Variants in CPNE1 observed in about 807,000 individuals in gnomAD.
CPNE1 encodes copine 1, also known as copine-1.
In CPNE1, 58 loss-of-function variants were observed where a neutral mutation model predicts 63.2. The ratio of observed to expected loss-of-function variants is 0.92; its 90% CI spans 0.74 to 1.14. The LOEUF is 1.14. Ranked by LOEUF, CPNE1 falls within the 50% of genes most tolerant of loss-of-function variation. The probability of loss-of-function intolerance (pLI) is 0.00; values close to 1 mark genes in which losing one functional copy is unlikely to be tolerated. For synonymous variants in CPNE1, 237 were observed against 249.0 expected, an observed-to-expected ratio of 0.95 and a Z score of 0.45; for missense variants, 672 against 661.7, an observed-to-expected ratio of 1.02 and a Z score of -0.17.
chr20:35,641,346 G>GCCC (rs1375614462), intron 1 of CPNE1, among the ~76,000 whole-genome samples: 1 of 152,054 alleles, frequency 6.6e-6, no homozygotes, highest in Non-Finnish European at 1.5e-5. Flanking sequence ...TCTTTGAAAA[G>GCCC]CCCCCCTTTT....
chr20:35,642,940 C>T (rs555756977), intron 1 of CPNE1, among the ~76,000 whole-genome samples: 10 of 152,118 alleles, frequency 6.6e-5, no homozygotes, highest in Non-Finnish European at 8.8e-5. Flanking sequence ...CAAGGTTTTC[C>T]ACTTTACTGT....
At chr20:35,657,232 T>A (rs73104744) in intron 1 of CPNE1, among the ~76,000 whole-genome samples, 6 of 152,266 alleles carry the variant, frequency 3.9e-5, no homozygotes, top group Non-Finnish European at 8.8e-5. Flanking sequence ...CAAGAAAAAT[T>A]AACGCTAAAA....
intron 1 of CPNE1, chr20:35,654,705 G>A (rs2033785835): frequency 1.2e-6 from 2 of 1,613,794 alleles, no homozygotes; most frequent in Non-Finnish European, 1.7e-6. Context: ...CTGGAATTGG[G>A]GGAATGGATG....
At chr20:35,629,411 G>A (rs1213441906) in intron 13 of CPNE1, among the ~76,000 whole-genome samples, 1 of 152,168 alleles carries the variant, frequency 6.6e-6, no homozygotes, top group Non-Finnish European at 1.5e-5. Flanking sequence ...GGTGGACTCT[G>A]GCAAAATGCA....
At chr20:35,652,070 A>G (rs2033558763) in intron 1 of CPNE1, 1 of 154,150 alleles carries the variant, frequency 6.5e-6, no homozygotes, top group Non-Finnish European at 1.4e-5. Flanking sequence ...TGAGGACTTT[A>G]GACAAAGCTT....
Position 35,626,263 on chromosome 20 carries a change from G to A in CPNE1, c.1592C>T (p.Pro531Leu). 1.2e-6 allele frequency: 2 copies of A among 1,614,162 alleles called. No individual in the cohort carries two copies. The highest frequency in any genetic ancestry group is 2.2e-5 in the South Asian group (2 of 91,084). ...LKPLPPSAKD[P>L]AQAPQA Reference sequence around the variant, plus strand: ...AACCTAGGCCTGGGGGGCCTGTGCAGGATCCTTGGCTGAGGGTGGAAGTGG... The same window carrying A: ...AACCTAGGCCTGGGGGGCCTGTGCAAGATCCTTGGCTGAGGGTGGAAGTGG... The change falls in exon 16 of 16, where the codon CCT becomes CTT. Residue 531 changes from proline (P) to leucine (L), a missense_variant. Physicochemically the swap from Pro to Leu is moderately conservative, Grantham distance 98 (BLOSUM62 -3). Coordinates refer to ENST00000397443, the MANE Select transcript of CPNE1 (RefSeq NM_152925.3).
chr20:35,641,171 A>G (rs2032782486), intron 1 of CPNE1, among the ~76,000 whole-genome samples: 1 of 152,278 alleles, frequency 6.6e-6, no homozygotes. Flanking sequence ...GAAATAAAAA[A>G]GAACTGAGTG....
In CPNE1 at chr20:35,631,576, C is replaced by T; in HGVS notation, c.630G>A (p.Val210=). Reference sequence around the variant, plus strand: ...CGTCACTGTCATAATCGGAGCATTGCACCTGAGGGAAAGGTGTGTGTGGAC... The same window carrying T: ...CGTCACTGTCATAATCGGAGCATTGTACCTGAGGGAAAGGTGTGTGTGGAC... The part of the protein sequence containing the change: ...CGGNPSTPIQ[V]QCSDYDSDGS... Residue 210 remains valine (V), a splice_region_variant and synonymous_variant, in exon 8 of 16, where the codon GTG becomes GTA. Transcript: ENST00000397443. 1 of 1,613,728 alleles carries T rather than the reference C, an allele frequency of 6.2e-7. No individual in the cohort carries two copies. The highest frequency in any genetic ancestry group is 8.5e-7 in the Non-Finnish European group (1 of 1,179,708).
chr20:35,653,153 G>A (rs767631496), intron 1 of CPNE1: 13 of 1,613,476 alleles, frequency 8.1e-6, no homozygotes, highest in East Asian at 4.5e-5. Flanking sequence ...AAATTACCAG[G>A]AAAGTTAAAT....
At chr20:35,658,478 C>G (rs961852973) in intron 1 of CPNE1, among the ~76,000 whole-genome samples, 1 of 152,060 alleles carries the variant, frequency 6.6e-6, no homozygotes, top group African/African-American at 2.4e-5. Flanking sequence ...AAAAACCACA[C>G]CGGCCTGGGT....
intron 1 of CPNE1, among the ~76,000 whole-genome samples, chr20:35,646,188 T>C (rs1170646357): frequency 3.0e-5 from 4 of 132,784 alleles, no homozygotes; most frequent in Non-Finnish European, 4.6e-5. Context: ...GCCCAGGACA[T>C]CGAGGTTACA....
chr20:35,634,260 C>CAAAAA (rs35273568), intron 1 of CPNE1, among the ~76,000 whole-genome samples: 1 of 85,486 alleles, frequency 1.2e-5, no homozygotes, highest in African/African-American at 4.1e-5. Flanking sequence ...GACTCTGTCA[C>CAAAAA]AAAAAAAAAA....
At chr20:35,628,788 T>C (rs1183704790) in intron 13 of CPNE1, among the ~76,000 whole-genome samples, 1 of 152,226 alleles carries the variant, frequency 6.6e-6, no homozygotes, top group African/African-American at 2.4e-5. Context: ...ATAAATGCTA[T>C]AGGCTGGATA....
At chr20:35,630,823 A>G (rs752951282) in intron 11 of CPNE1, 28 bp from the exon 12 acceptor site, 1 of 1,609,358 alleles carries the variant, frequency 6.2e-7, no homozygotes, top group Non-Finnish European at 8.5e-7. Flanking sequence ...ATTGGGCAAA[A>G]GGCAGTGAGG....
At position 35,630,991 on chromosome 20, in the gene CPNE1, G is replaced by T; in HGVS notation, c.905C>A (p.Pro302His). ...FTGSNGDPSS[P>H]DSLHYLSPTG... ...TGGACTCAGGTAGTGTAGGGAGTCA[G>T]GTGAGGAGGGGTCTCCATTGGAGCC... The change falls in exon 11 of 16, where the codon CCT (proline) becomes CAT (histidine). Residue 302 changes from proline (P) to histidine (H), a missense_variant. Transcript: ENST00000397443. 2 of 1,614,150 alleles carry T rather than the reference G, an allele frequency of 1.2e-6. No individual in the cohort carries two copies. Among genetic ancestry groups the T allele is most frequent in the Non-Finnish European group, 1.7e-6 (2 of 1,180,024 alleles).
At chr20:35,632,092 C>T in intron 5 of CPNE1, 67 bp from the exon 6 acceptor site, 1 of 1,602,028 alleles carries the variant, frequency 6.2e-7, no homozygotes, top group Non-Finnish European at 8.6e-7. Context: ...CCTCTGTCCA[C>T]ACCCCCATCC....
intron 1 of CPNE1, among the ~76,000 whole-genome samples, chr20:35,644,523 T>G (rs2033001984): frequency 6.6e-6 from 1 of 152,126 alleles, no homozygotes; most frequent in Non-Finnish European, 1.5e-5. Context: ...TCACAGAAGC[T>G]TAAAACTGGA....
intron 1 of CPNE1, among the ~76,000 whole-genome samples, chr20:35,663,621 C>T (rs1288887279): frequency 2.0e-5 from 3 of 152,154 alleles, no homozygotes; most frequent in African/African-American, 7.2e-5. Context: ...CCAGAAATCT[C>T]TTAAAGTCTG....
chr20:35,633,940 C>T (rs1601427661), intron 1 of CPNE1, among the ~76,000 whole-genome samples: 1 of 106,676 alleles, frequency 9.4e-6, no homozygotes, highest in Admixed American at 1.3e-4. Context: ...GCCTGGGCAA[C>T]AAGAGCAAGA....
Sources: allele counts gnomAD v4.1 joint callset (sites outside exome capture counted in the v4.1 genomes callset), GRCh38; gene constraint gnomAD v4.1.1; transcripts MANE v1.5; gene names NCBI Gene and HGNC (gene_info 2026-07-23, HGNC 2026-07-21).